TECRL: variants seen among roughly 807,000 people sequenced by gnomAD.
TECRL encodes trans-2,3-enoyl-CoA reductase like.
A neutral mutation model predicts 52.8 loss-of-function variants in TECRL; 63 were observed. The observed-to-expected ratio is 1.19, with a 90% confidence interval of 0.97 to 1.47. The LOEUF (loss-of-function observed/expected upper bound fraction) is 1.47, where lower values mean the gene tolerates loss of function less well. Ranked by LOEUF, TECRL falls within the 40% of genes most tolerant of loss-of-function variation. The pLI is 0.00. For missense variants in TECRL, 482 were observed against 429.6 expected, an observed-to-expected ratio of 1.12 and a Z score of -1.08; for synonymous variants, 164 against 141.9, an observed-to-expected ratio of 1.16 and a Z score of -1.10.
intron 1 of TECRL, among the ~76,000 whole-genome samples, chr4:64,379,719 C>T (rs1722645794): frequency 6.6e-6 from 1 of 151,946 alleles, no homozygotes; most frequent in Non-Finnish European, 1.5e-5. Flanking sequence ...CTTTTTAAAC[C>T]CCCACACATG....
At chr4:64,289,604 T>G in intron 9 of TECRL, 106 bp downstream of exon 9, 1 of 894,930 alleles carries the variant, frequency 1.1e-6, no homozygotes, top group Non-Finnish European at 1.6e-6. Context: ...CACATGTATT[T>G]CCAACTATTG....
At chr4:64,345,924 A>AAAAAAAAAAAAAAAAAAAAAAAT (rs1560516723) in intron 2 of TECRL, among the ~76,000 whole-genome samples, 2 of 145,976 alleles carry the variant, frequency 1.4e-5, no homozygotes, top group East Asian at 2.0e-4. Context: ...AAAAAAAAAA[A>AAAAAAAAAAAAAAAAAAAAAAAT]AAAAAAACAT....
At chr4:64,364,571 G>T (rs551404216) in intron 2 of TECRL, among the ~76,000 whole-genome samples, 1 of 151,738 alleles carries the variant, frequency 6.6e-6, no homozygotes, top group South Asian at 2.1e-4. Flanking sequence ...AAATGATATA[G>T]ATAACATTAC....
chr4:64,354,024 A>T lies in TECRL; in HGVS notation c.286+21148T>A, dbSNP rs1479596387. 2.1e-3 allele frequency among the ~76,000 whole-genome samples: 313 copies of T among 152,306 alleles called. 1 individual carries two copies. The highest frequency in any genetic ancestry group is 1.1e-3 in the Non-Finnish European group (74 of 68,012). On this transcript the variant is annotated intron_variant, in intron 2 of 11. Coordinates refer to ENST00000381210, the MANE Select transcript of TECRL (RefSeq NM_001010874.5). ...AAAGAAAGGAATGGTATGCCACGTC[A>T]AATGCAGTTGAAAGTTCAAACTAGA... is the stretch of plus-strand genomic sequence containing the variant.
intron 2 of TECRL, among the ~76,000 whole-genome samples, chr4:64,352,889 T>C (rs1197031459): frequency 1.3e-5 from 2 of 152,214 alleles, no homozygotes; most frequent in Non-Finnish European, 2.9e-5. Context: ...ATTTTATTTA[T>C]TTATTATTGT....
chr4:64,311,795 T>G (rs1298837916), intron 5 of TECRL, among the ~76,000 whole-genome samples: 1 of 152,190 alleles, frequency 6.6e-6, no homozygotes, highest in African/African-American at 2.4e-5. Flanking sequence ...ATTGCTAAAT[T>G]AACTGTAAAA....
chr4:64,363,198 A>C (rs1057016090), intron 2 of TECRL, among the ~76,000 whole-genome samples: 7 of 152,174 alleles, frequency 4.6e-5, no homozygotes, highest in Non-Finnish European at 1.0e-4. Flanking sequence ...ACAAGTTCTT[A>C]GAGGTTTATG....
chr4:64,281,184 G>C, intron 10 of TECRL, 98 bp from the exon 11 acceptor site: 1 of 792,786 alleles, frequency 1.3e-6, no homozygotes, highest in South Asian at 2.3e-5. Context: ...TAAAATATTA[G>C]AAAACTTATA....
chr4:64,382,263 G>A (rs1374483734), intron 1 of TECRL, among the ~76,000 whole-genome samples: 1 of 137,502 alleles, frequency 7.3e-6, no homozygotes, highest in East Asian at 2.0e-4. Flanking sequence ...TATATATTAT[G>A]TTATATATTA....
intron 1 of TECRL, among the ~76,000 whole-genome samples, chr4:64,393,796 A>T (rs1017892271): frequency 6.6e-5 from 10 of 151,988 alleles, no homozygotes; most frequent in Admixed American, 5.9e-4. Flanking sequence ...GGAGTGTTCA[A>T]GAAGGTCAGA....
intron 6 of TECRL, among the ~76,000 whole-genome samples, chr4:64,308,439 T>C (rs1431348071): frequency 6.6e-6 from 1 of 152,190 alleles, no homozygotes; most frequent in Non-Finnish European, 1.5e-5. Context: ...GAAGTATCTA[T>C]GGCCAACCGC....
chr4:64,292,922 A>C (rs994852834), intron 8 of TECRL, among the ~76,000 whole-genome samples: 1 of 152,216 alleles, frequency 6.6e-6, no homozygotes, highest in Middle Eastern at 3.4e-3. Flanking sequence ...GAACTTTAGG[A>C]TGATGTTTGA....
chr4:64,378,337 A>C (rs1722541190), intron 1 of TECRL, among the ~76,000 whole-genome samples: 1 of 152,028 alleles, frequency 6.6e-6, no homozygotes, highest in African/African-American at 2.4e-5. Flanking sequence ...AAACCAAGGC[A>C]GAAGGATCAC....
rs967413425 is a variant in TECRL at position 64,280,006 on chromosome 4, C to A, written c.*66G>T. The A allele has an allele frequency of 4.0e-6, 6 of 1,507,092 alleles. No homozygotes were observed. The East Asian group carries it at 1.4e-4, about 36-fold the overall frequency. The allele number at this position is 1,507,092 out of a possible 1,614,324, so 93.4% of individuals were successfully genotyped here. ...TTGTTGGAGTATAATAGTTAACTAT[C>A]CTTAACTAAGTCTTATTTATTGAAT... On this transcript the variant is annotated 3_prime_UTR_variant, in exon 12 of 12. Coordinates refer to ENST00000381210, the MANE Select transcript of TECRL (RefSeq NM_001010874.5).
At chr4:64,391,543 A>G (rs1189069613) in intron 1 of TECRL, among the ~76,000 whole-genome samples, 1 of 151,874 alleles carries the variant, frequency 6.6e-6, no homozygotes, top group Non-Finnish European at 1.5e-5. Flanking sequence ...CTTTACGTCA[A>G]CTGTGATAAT....
At chr4:64,300,443 G>A (rs1723949985) in intron 7 of TECRL, among the ~76,000 whole-genome samples, 1 of 150,386 alleles carries the variant, frequency 6.6e-6, no homozygotes, top group African/African-American at 2.4e-5. Context: ...AGAATTATAA[G>A]TATTTTATAT....
intron 2 of TECRL, among the ~76,000 whole-genome samples, chr4:64,364,277 A>G (rs1274087923): frequency 1.3e-5 from 2 of 152,102 alleles, no homozygotes; most frequent in Non-Finnish European, 2.9e-5. Context: ...TTAACAGGAA[A>G]GTTTATAGCA....
chr4:64,364,207 A>T (rs6551823), intron 2 of TECRL, among the ~76,000 whole-genome samples: 1 of 151,768 alleles, frequency 6.6e-6, no homozygotes, highest in Admixed American at 6.6e-5. Flanking sequence ...AAAAATCTTC[A>T]AAACTAGTGA....
At chr4:64,282,112 A>G (rs766897019) in intron 9 of TECRL, among the ~76,000 whole-genome samples, 1 of 152,058 alleles carries the variant, frequency 6.6e-6, no homozygotes, top group South Asian at 2.1e-4. Flanking sequence ...ATATTCTGAG[A>G]TACCACGTTT....
Sources: allele counts gnomAD v4.1 joint callset (sites outside exome capture counted in the v4.1 genomes callset), GRCh38; gene constraint gnomAD v4.1.1; transcripts MANE v1.5; gene names NCBI Gene and HGNC (gene_info 2026-07-23, HGNC 2026-07-21).